The following FBXW7 variants were observed in gnomAD, a reference collection of about 807,000 sequenced individuals.
The protein encoded by FBXW7 is F-box and WD repeat domain containing 7, also known as F-box/WD repeat-containing protein 7.
In FBXW7, 11 loss-of-function variants were observed where a neutral mutation model predicts 86.3. That is an observed-to-expected ratio of 0.13 (90% CI 0.08 to 0.21). The LOEUF is 0.21. Among genes scored for constraint, FBXW7 ranks in the 10% least tolerant of loss-of-function variants. FBXW7 has a pLI of 1.00. For missense variants in FBXW7, 488 were observed against 847.4 expected, an observed-to-expected ratio of 0.58 and a Z score of 5.27; for synonymous variants, 313 against 297.9, an observed-to-expected ratio of 1.05 and a Z score of -0.52.
intron 2 of FBXW7, among the ~76,000 whole-genome samples, chr4:152,474,975 G>A (rs557745656): frequency 5.9e-5 from 9 of 152,102 alleles, no homozygotes; most frequent in South Asian, 4.1e-4. Flanking sequence ...GGTAGCAAAC[G>A]CCAGTAATCC....
chr4:152,392,609 A>T (rs1053811101), intron 4 of FBXW7, among the ~76,000 whole-genome samples: 2 of 152,178 alleles, frequency 1.3e-5, no homozygotes, highest in African/African-American at 4.8e-5. Flanking sequence ...AAGAACAATG[A>T]GAAATAATAA....
chr4:152,516,872 C>T (rs1232809928), intron 2 of FBXW7, among the ~76,000 whole-genome samples: 2 of 152,204 alleles, frequency 1.3e-5, no homozygotes, highest in Non-Finnish European at 2.9e-5. Flanking sequence ...GTCACCCAGG[C>T]TGGACTGCAG....
chr4:152,480,913 C>G (rs574566361), intron 2 of FBXW7, among the ~76,000 whole-genome samples: 1 of 152,206 alleles, frequency 6.6e-6, no homozygotes, highest in Admixed American at 6.5e-5. Flanking sequence ...CAAGATGAAG[C>G]AGCAAGTGCT....
At chr4:152,496,783 C>T (rs1746390770) in intron 2 of FBXW7, among the ~76,000 whole-genome samples, 1 of 152,190 alleles carries the variant, frequency 6.6e-6, no homozygotes, top group South Asian at 2.1e-4. Flanking sequence ...AGATTCCAAT[C>T]ACATTTCCAA....
chr4:152,485,440 TATATC>T (rs1212292829), intron 2 of FBXW7, among the ~76,000 whole-genome samples: 3 of 152,174 alleles, frequency 2.0e-5, no homozygotes, highest in Non-Finnish European at 4.4e-5. Flanking sequence ...ATTCCAATGT[TATATC>T]ATGTATAAGA....
chr4:152,474,045 C>G (rs1197343818), intron 2 of FBXW7, among the ~76,000 whole-genome samples: 2 of 152,180 alleles, frequency 1.3e-5, no homozygotes, highest in Non-Finnish European at 2.9e-5. Flanking sequence ...TTAGGGTCCA[C>G]TTTGAAGCCA....
At chr4:152,331,052 T>C (rs1394799188) in intron 8 of FBXW7, among the ~76,000 whole-genome samples, 184 bp from the exon 9 acceptor site, 1 of 152,086 alleles carries the variant, frequency 6.6e-6, no homozygotes, top group African/African-American at 2.4e-5. Flanking sequence ...GTTTACATTC[T>C]ATATGGCATA....
At chr4:152,529,477 A>T (rs1326393915) in intron 2 of FBXW7, among the ~76,000 whole-genome samples, 1 of 152,226 alleles carries the variant, frequency 6.6e-6, no homozygotes, top group South Asian at 2.1e-4. Flanking sequence ...CATTATTGCA[A>T]GAGTAATCTC....
chr4:152,384,957 T>C (rs963796016), intron 4 of FBXW7, among the ~76,000 whole-genome samples: 3 of 152,086 alleles, frequency 2.0e-5, no homozygotes, highest in Non-Finnish European at 2.9e-5. Flanking sequence ...GTTCACTTTA[T>C]TTTCCAACAT....
chr4:152,329,666 A>T lies in FBXW7; in HGVS notation c.1236+6T>A, dbSNP rs529891909. 4.2e-5 allele frequency: 64 copies of T among 1,518,482 alleles called. 1 individual carries two copies. In the East Asian group the frequency reaches 1.2e-3, roughly 29 times the overall value. The allele number at this position is 1,518,482 out of a possible 1,614,324, so 94.1% of individuals were successfully genotyped here. The stretch of plus-strand genomic sequence containing the variant: ...ACTTTGTGAAGTGTAGGAAGAGTAA[A>T]CTTACTTTGCCTGTGACTGCTGACC... On this transcript the variant is annotated splice_donor_region_variant and intron_variant, in intron 10 of 13. Coordinates refer to ENST00000281708, the MANE Select transcript of FBXW7 (RefSeq NM_001349798.2).
At chr4:152,406,813 AATTT>A (rs1309486900) in intron 4 of FBXW7, among the ~76,000 whole-genome samples, 1 of 152,144 alleles carries the variant, frequency 6.6e-6, no homozygotes, top group African/African-American at 2.4e-5. Context: ...TTTTTAAAAG[AATTT>A]ATTTCTCTAC....
At chr4:152,491,747 AAAAC>A (rs1193208623) in intron 2 of FBXW7, among the ~76,000 whole-genome samples, 1 of 152,170 alleles carries the variant, frequency 6.6e-6, no homozygotes, top group African/African-American at 2.4e-5. Flanking sequence ...GAACACACAA[AAAAC>A]AAACAAAATA....
chr4:152,325,763 G>A (rs948540127), intron 12 of FBXW7: 1 of 435,982 alleles, frequency 2.3e-6, no homozygotes, highest in Non-Finnish European at 4.1e-6. Flanking sequence ...GCCCCAAAGT[G>A]TCAGGTTGCA....
chr4:152,415,481 A>G (rs1034610061), intron 2 of FBXW7, among the ~76,000 whole-genome samples: 3 of 152,140 alleles, frequency 2.0e-5, no homozygotes, highest in African/African-American at 4.8e-5. Context: ...TAGGATTTTC[A>G]CTGAATTCTT....
intron 2 of FBXW7, among the ~76,000 whole-genome samples, chr4:152,477,423 G>C (rs1476461861): frequency 6.6e-6 from 1 of 151,870 alleles, no homozygotes; most frequent in Non-Finnish European, 1.5e-5. Context: ...ACAACTATAC[G>C]CATTTGGAAA....
chr4:152,452,959 G>A (rs575892858), intron 2 of FBXW7, among the ~76,000 whole-genome samples: 37 of 152,192 alleles, frequency 2.4e-4, no homozygotes, highest in African/African-American at 8.9e-4. Context: ...GAGGCAGGTG[G>A]GTTCCTGAGG....
intron 2 of FBXW7, among the ~76,000 whole-genome samples, chr4:152,499,389 A>G (rs537301572): frequency 6.6e-6 from 1 of 152,350 alleles, no homozygotes; most frequent in Admixed American, 6.5e-5. Context: ...CTGACTCTAT[A>G]AAACATGAAC....
chr4:152,522,849 C>T (rs748030246), intron 2 of FBXW7, among the ~76,000 whole-genome samples: 2 of 152,178 alleles, frequency 1.3e-5, no homozygotes, highest in Non-Finnish European at 2.9e-5. Context: ...AACAACTTGC[C>T]AAAGGTCATA....
At chr4:152,379,327 T>A (rs564887423) in intron 4 of FBXW7, among the ~76,000 whole-genome samples, 1 of 152,138 alleles carries the variant, frequency 6.6e-6, no homozygotes, top group East Asian at 1.9e-4. Flanking sequence ...AAATTTATCT[T>A]CCCTTAAAAG....
Sources: allele counts gnomAD v4.1 joint callset (sites outside exome capture counted in the v4.1 genomes callset), GRCh38; gene constraint gnomAD v4.1.1; transcripts MANE v1.5; gene names NCBI Gene and HGNC (gene_info 2026-07-23, HGNC 2026-07-21).